The following INHBA variants were observed in gnomAD, a reference collection of about 807,000 sequenced individuals.
INHBA encodes inhibin subunit beta A.
Under a neutral mutation model 29.0 loss-of-function variants are expected in INHBA, and 1 was observed. The ratio of observed to expected loss-of-function variants is 0.03; its 90% CI spans 0.01 to 0.16. The LOEUF is 0.16. INHBA is among the 10% of genes least tolerant of loss of function. The probability of loss-of-function intolerance (pLI) is 1.00; values close to 1 mark genes in which losing one functional copy is unlikely to be tolerated. For missense variants in INHBA, 376 were observed against 545.4 expected (o/e 0.69, Z 3.09); for synonymous variants, 242 against 216.8 (o/e 1.12, Z -1.02).
chr7:41,689,519 TTTTG>T lies in INHBA; in HGVS notation c.*127_*130del. On this transcript the variant is annotated 3_prime_UTR_variant, in exon 3 of 3. Coordinates refer to ENST00000242208, the MANE Select transcript of INHBA (RefSeq NM_002192.4). Reference sequence around the variant, plus strand: ...TTGTTTTTAATTTACTTTTGTTTTTTTTTGTTTTTTTTTTTGTTTTGTTTTTAAT... The same window carrying T: ...TTGTTTTTAATTTACTTTTGTTTTTTTTTTTTTTTTTGTTTTGTTTTTAAT... 1.2e-6 allele frequency: 1 copy of T among 830,814 alleles called. No individual in the cohort carries two copies. The highest frequency in any genetic ancestry group is 3.1e-5 in the East Asian group (1 of 32,248). 51.5% of individuals were successfully genotyped at this position (830,814 alleles called of 1,614,324 possible).
At chr7:41,698,845 G>A (rs796445070) in intron 2 of INHBA, among the ~76,000 whole-genome samples, 3 of 152,248 alleles carry the variant, frequency 2.0e-5, no homozygotes, top group East Asian at 1.9e-4. Context: ...ATACTGCTGC[G>A]GCAAACTTTT....
In INHBA at chr7:41,687,289, T is replaced by C. The variant is rs184428006; in HGVS notation, c.*2361A>G. On this transcript the variant is annotated 3_prime_UTR_variant, in exon 3 of 3. Coordinates refer to ENST00000242208, the MANE Select transcript of INHBA (RefSeq NM_002192.4). The stretch of plus-strand genomic sequence containing the variant: ...ATCTTCCTTTCCTATAATTAATTTA[T>C]TTTAATCTACAAATTGACATAGGGC... 1 of 152,334 alleles carries C rather than the reference T, an allele frequency of 6.6e-6. No homozygotes were observed. Among genetic ancestry groups the C allele is most frequent in the East Asian group, 1.9e-4 (1 of 5,190 alleles). The allele number at this position is 152,334 out of a possible 1,614,324, so 9.4% of individuals were successfully genotyped here. A position where few individuals can be genotyped will look rare whatever the true frequency, so the allele number is the denominator to read the frequency against.
At chr7:41,702,428 A>G (rs980585558) in intron 1 of INHBA, among the ~76,000 whole-genome samples, 4 of 152,198 alleles carry the variant, frequency 2.6e-5, no homozygotes, top group African/African-American at 7.2e-5. Flanking sequence ...AAACTTTGTC[A>G]ACATTGCCTA....
At chr7:41,693,231 GC>G (rs1346307286) in intron 2 of INHBA, among the ~76,000 whole-genome samples, 1 of 152,146 alleles carries the variant, frequency 6.6e-6, no homozygotes, top group African/African-American at 2.4e-5. Flanking sequence ...TCTGACTAGT[GC>G]CCCGGATAGG....
At position 41,686,241 on chromosome 7, in the gene INHBA, G is replaced by A. The variant is rs923001775; in HGVS notation, c.*3409C>T. 15 of 152,152 alleles carry A rather than the reference G, an allele frequency of 9.9e-5. No homozygotes were observed. Among genetic ancestry groups the A allele is most frequent in the Middle Eastern group, 3.4e-3 (1 of 294 alleles). The allele number at this position is 152,152 out of a possible 1,614,324, so 9.4% of individuals were successfully genotyped here. A position where few individuals can be genotyped will look rare whatever the true frequency, so the allele number is the denominator to read the frequency against. Reference sequence around the variant, plus strand: ...CCTGACTTTTTTGGAAAAAATAGTCGAAAATGTCAATTTGGTCCATAAAAT... The same window carrying A: ...CCTGACTTTTTTGGAAAAAATAGTCAAAAATGTCAATTTGGTCCATAAAAT... On this transcript the variant is annotated 3_prime_UTR_variant, in exon 3 of 3. Transcript: ENST00000242208.
At position 41,690,161 on chromosome 7, in the gene INHBA, A is replaced by T; in HGVS notation, c.770T>A (p.Leu257Gln). Residue 257 changes from leucine to glutamine, a missense_variant, in exon 3 of 3, where the codon CTG (leucine) becomes CAG (glutamine). Transcript: ENST00000242208. ...CQESGASLVL[L>Q]GKKKKKEEEG... ...CTCTTCTTTCTTCTTCTTCTTGCCC[A>T]GGAGAACCAAGCTGGCGCCACTCTC... 6.2e-7 allele frequency: 1 copy of T among 1,613,030 alleles called. No homozygotes were observed. The highest frequency in any genetic ancestry group is 1.1e-5 in the South Asian group (1 of 91,036).
At chr7:41,691,346 CA>C (rs1383566611) in intron 2 of INHBA, 2 of 152,362 alleles carry the variant, frequency 1.3e-5, no homozygotes, top group African/African-American at 4.8e-5. Flanking sequence ...CCTCTCCAGT[CA>C]TTTCTCCATG....
At chr7:41,693,777 G>C (rs1020161524) in intron 2 of INHBA, 2 of 152,170 alleles carry the variant, frequency 1.3e-5, no homozygotes, top group Non-Finnish European at 1.5e-5. Context: ...GAGAGGCAAG[G>C]GTGCTGATTT....
upstream of INHBA, among the ~76,000 whole-genome samples, chr7:41,703,649 A>G (rs1310975791): frequency 6.6e-6 from 1 of 152,172 alleles, no homozygotes; most frequent in Non-Finnish European, 1.5e-5. Flanking sequence ...CTATTATTTT[A>G]CATCTTGAAA....
Position 41,689,355 on chromosome 7 carries a change from G to A in INHBA, c.*295C>T, listed in dbSNP as rs1794447761. ...ACAATACCCCGTTTAAACAACTGAT[G>A]TCATCAGTGTGATTTCAGAAGAAAT... On this transcript the variant is annotated 3_prime_UTR_variant, in exon 3 of 3. Transcript: ENST00000242208. The A allele has an allele frequency of 2.9e-6, 1 of 349,778 alleles. No individual in the cohort carries two copies. Among genetic ancestry groups the A allele is most frequent in the East Asian group, 4.6e-5 (1 of 21,594 alleles). The allele number at this position is 349,778 out of a possible 1,614,324, so 21.7% of individuals were successfully genotyped here.
In INHBA at chr7:41,689,559, C is replaced by G; in HGVS notation, c.*91G>C. On this transcript the variant is annotated 3_prime_UTR_variant, in exon 3 of 3. Transcript: ENST00000242208. The stretch of plus-strand genomic sequence containing the variant: ...TGTTTTGTTTTTAATTTCTATTTTT[C>G]TGGTTAACTCAGAAACCTTAAAAAT... 2.8e-6 allele frequency: 2 copies of G among 712,278 alleles called. No individual in the cohort carries two copies. Among genetic ancestry groups the G allele is most frequent in the Non-Finnish European group, 1.9e-6 (1 of 524,912 alleles). The allele number at this position is 712,278 out of a possible 1,614,324, so 44.1% of individuals were successfully genotyped here. A position where few individuals can be genotyped will look rare whatever the true frequency, so the allele number is the denominator to read the frequency against.
At chr7:41,692,056 C>T (rs921964170) in intron 2 of INHBA, 2 of 152,208 alleles carry the variant, frequency 1.3e-5, no homozygotes, top group Non-Finnish European at 2.9e-5. Flanking sequence ...CTATTTCCTT[C>T]TCTTTTCCTA....
intron 1 of INHBA, among the ~76,000 whole-genome samples, chr7:41,701,824 C>T (rs759399637): frequency 6.6e-6 from 1 of 152,210 alleles, no homozygotes; most frequent in South Asian, 2.1e-4. Flanking sequence ...TGCCCCAAGC[C>T]TGTCCCGACC....
Position 41,700,277 on chromosome 7 carries a change from G to C in INHBA, c.98C>G (p.Pro33Arg). ...GGCCAGCGCACAGGACGGACAGTCG[G>C]GGGCCGCGCTGTGCCCCTCGGATCC... The part of the protein sequence containing the change: ...TPGSEGHSAA[P>R]DCPSCALAAL... Residue 33 changes from proline (P) to arginine (R), a missense_variant, in exon 2 of 3, where the codon CCC becomes CGC. Around this residue, in one of 4 missense-constraint regions of INHBA, gnomAD observed 71 missense variants for 77.0 expected, o/e 0.92. Transcript: ENST00000242208. 1.9e-6 allele frequency: 3 copies of C among 1,600,250 alleles called. No homozygotes were observed. Among genetic ancestry groups the C allele is most frequent in the Non-Finnish European group, 2.6e-6 (3 of 1,171,506 alleles).
upstream of INHBA, among the ~76,000 whole-genome samples, chr7:41,704,312 G>A (rs1270864619): frequency 6.6e-6 from 1 of 151,816 alleles, no homozygotes; most frequent in Non-Finnish European, 1.5e-5. Context: ...GGGGGTGGGG[G>A]GAAGGAGTAT....
chr7:41,689,179 T>C lies in INHBA; in HGVS notation c.*471A>G. 1 of 235,092 alleles carries C rather than the reference T, an allele frequency of 4.3e-6. No homozygotes were observed. Among genetic ancestry groups the C allele is most frequent in the African/African-American group, 2.2e-5 (1 of 45,130 alleles). 14.6% of individuals were successfully genotyped at this position (235,092 alleles called of 1,614,324 possible). A position where few individuals can be genotyped will look rare whatever the true frequency, so the allele number is the denominator to read the frequency against. On this transcript the variant is annotated 3_prime_UTR_variant, in exon 3 of 3. Transcript: ENST00000242208. ...AGATAAGTGTCACACAGACATACCT[T>C]ATGACCTGGGTAATTGGGTAGGAAA...
Position 41,690,276 on chromosome 7 carries a change from G to A in INHBA, c.655C>T (p.His219Tyr). The A allele has an allele frequency of 1.2e-6, 2 of 1,614,052 alleles. No individual in the cohort carries two copies. The highest frequency in any genetic ancestry group is 1.7e-6 in the Non-Finnish European group (2 of 1,180,004). ...KVVDARKSTW[H>Y]VFPVSSSIQR... is the part of the protein sequence containing the mutation. ...ATGCTGCTGGAGACAGGGAAGACAT[G>A]CCAGGTGCTCTTCCGAGCGTCTACT... is the stretch of plus-strand genomic sequence containing the variant. The change falls in exon 3 of 3, where the codon CAT becomes TAT. Residue 219 changes from histidine to tyrosine, a missense_variant. This residue lies in a region of INHBA where 253 missense variants were observed against 313.4 expected (regional missense o/e 0.81). Coordinates refer to ENST00000242208, the MANE Select transcript of INHBA (RefSeq NM_002192.4).
At chr7:41,696,659 T>C (rs1236736660) in intron 2 of INHBA, among the ~76,000 whole-genome samples, 1 of 152,106 alleles carries the variant, frequency 6.6e-6, no homozygotes, top group Non-Finnish European at 1.5e-5. Flanking sequence ...GAAGAGAGCG[T>C]GTAACCCCTA....
intron 2 of INHBA, among the ~76,000 whole-genome samples, chr7:41,698,573 C>T (rs1794701228): frequency 6.6e-6 from 1 of 152,190 alleles, no homozygotes; most frequent in Non-Finnish European, 1.5e-5. Flanking sequence ...TCCTAATGAT[C>T]ATGCCTTTTG....
Sources: gnomAD v4.1 joint callset for allele counts (sites outside exome capture counted in the v4.1 genomes callset) on GRCh38, gnomAD v4.1.1 for gene constraint, gnomAD v4.1.1 regional missense constraint, MANE v1.5 for transcripts, NCBI Gene and HGNC (gene_info 2026-07-23, HGNC 2026-07-21) for gene names.